ADGRV1: variants seen among roughly 807,000 people sequenced by gnomAD.
The protein encoded by ADGRV1 is adhesion G protein-coupled receptor V1.
In ADGRV1, 359 loss-of-function variants were observed where a neutral mutation model predicts 596.2. That is an observed-to-expected ratio of 0.60 (90% CI 0.55 to 0.66). ADGRV1 has a LOEUF of 0.66. Ranked by LOEUF, ADGRV1 falls within the 30% of genes least tolerant of loss-of-function variation. The pLI is 0.00. For synonymous variants in ADGRV1, 2,681 were observed against 2,679.2 expected (o/e 1.00, Z -0.02); for missense variants, 7,274 against 7,575.6 (o/e 0.96, Z 1.48).
intron 75 of ADGRV1, among the ~76,000 whole-genome samples, chr5:90,818,690 T>G (rs989895307): frequency 5.9e-4 from 89 of 149,906 alleles, no homozygotes; most frequent in East Asian, 1.6e-3. Flanking sequence ...TTTTTGTCTT[T>G]GGCTCTGTTT....
At chr5:91,070,635 G>A (rs563694337) in intron 85 of ADGRV1, among the ~76,000 whole-genome samples, 4 of 152,212 alleles carry the variant, frequency 2.6e-5, no homozygotes, top group Non-Finnish European at 4.4e-5. Flanking sequence ...TATGTAAAGC[G>A]CAAGTGGATG....
At chr5:90,955,285 A>C (rs1777374423) in intron 83 of ADGRV1, among the ~76,000 whole-genome samples, 1 of 152,202 alleles carries the variant, frequency 6.6e-6, no homozygotes, top group Admixed American at 6.5e-5. Context: ...ATTGATGAGC[A>C]AATAAACCAA....
intron 72 of ADGRV1, among the ~76,000 whole-genome samples, chr5:90,807,095 C>T (rs1448566158): frequency 6.6e-6 from 1 of 152,172 alleles, no homozygotes; most frequent in African/African-American, 2.4e-5. Context: ...TCAGAATCCG[C>T]CCTCGTCGGC....
chr5:90,998,296 A>G (rs1781576869), intron 85 of ADGRV1, among the ~76,000 whole-genome samples: 1 of 152,202 alleles, frequency 6.6e-6, no homozygotes, highest in Admixed American at 6.5e-5. Context: ...CTAGAATACC[A>G]TAGACTGGGT....
intron 78 of ADGRV1, among the ~76,000 whole-genome samples, chr5:90,843,352 A>G (rs1275001070): frequency 2.0e-5 from 3 of 152,244 alleles, no homozygotes; most frequent in Non-Finnish European, 2.9e-5. Context: ...AAAAGTTCAA[A>G]AACTGAAGCA....
chr5:90,701,080 C>A (rs192152978), intron 34 of ADGRV1, among the ~76,000 whole-genome samples: 1 of 152,204 alleles, frequency 6.6e-6, no homozygotes, highest in Admixed American at 6.5e-5. Context: ...TGAAATATGT[C>A]ACTAACTTTT....
intron 76 of ADGRV1, among the ~76,000 whole-genome samples, chr5:90,826,555 A>G (rs1764089889): frequency 6.6e-6 from 1 of 152,174 alleles, no homozygotes; most frequent in South Asian, 2.1e-4. Context: ...TAAAGAAAAT[A>G]ATGAATGAGA....
At chr5:90,891,273 G>A (rs1770796750) in intron 83 of ADGRV1, among the ~76,000 whole-genome samples, 1 of 150,422 alleles carries the variant, frequency 6.6e-6, no homozygotes, top group Non-Finnish European at 1.5e-5. Context: ...TGTGTGTGTT[G>A]GAGTTAGCAA....
rs1324143549 is a variant in ADGRV1, at chr5:90,784,108, A to G, written c.13653+51A>G. 1.3e-5 allele frequency: 16 copies of G among 1,200,328 alleles called. No homozygotes were observed. The East Asian group carries it at 3.4e-4, about 26-fold the overall frequency. 74.4% of individuals were successfully genotyped at this position (1,200,328 alleles called of 1,614,324 possible). A position where few individuals can be genotyped will look rare whatever the true frequency, so the allele number is the denominator to read the frequency against. On this transcript the variant is annotated intron_variant, in intron 67 of 89. Transcript: ENST00000405460. ...AAATATAATTTTTGATAGACTGAGT[A>G]TGGTAGTGTGTTTTCTCATTGCCCA...
chr5:90,719,104 C>T (rs756467961), intron 43 of ADGRV1, among the ~76,000 whole-genome samples: 3 of 151,938 alleles, frequency 2.0e-5, no homozygotes, highest in Non-Finnish European at 4.4e-5. Context: ...GCTAGGCGGG[C>T]GGATCACTTG....
chr5:90,949,199 A>G (rs181889200), intron 83 of ADGRV1, among the ~76,000 whole-genome samples: 1 of 152,286 alleles, frequency 6.6e-6, no homozygotes, highest in East Asian at 1.9e-4. Context: ...TGATGCAAGT[A>G]TACATGAATA....
intron 8 of ADGRV1, 99 bp downstream of exon 8, chr5:90,628,931 G>T: frequency 9.0e-7 from 1 of 1,116,584 alleles, no homozygotes; most frequent in South Asian, 1.9e-5. Context: ...TAGTTTGAAG[G>T]GACAGGAAAA....
intron 31 of ADGRV1, 25 bp downstream of exon 31, chr5:90,691,066 T>C (rs770049981): frequency 6.2e-7 from 1 of 1,613,434 alleles, no homozygotes; most frequent in Non-Finnish European, 8.5e-7. Flanking sequence ...TAGTATAGAA[T>C]GACACTGTAA....
chr5:91,001,124 C>G (rs1581754756), intron 85 of ADGRV1, among the ~76,000 whole-genome samples: 1 of 152,146 alleles, frequency 6.6e-6, no homozygotes, highest in Non-Finnish European at 1.5e-5. Flanking sequence ...GTTGCCCAGG[C>G]TGGAGTGCAG....
At chr5:90,738,639 C>T (rs554236597) in intron 50 of ADGRV1, among the ~76,000 whole-genome samples, 2 of 152,242 alleles carry the variant, frequency 1.3e-5, no homozygotes, top group South Asian at 2.1e-4. Context: ...ATTCTACTCT[C>T]TCATGGTCTG....
chr5:90,746,504 A>C (rs7704041), intron 52 of ADGRV1, among the ~76,000 whole-genome samples: 2 of 151,976 alleles, frequency 1.3e-5, no homozygotes, highest in Non-Finnish European at 2.9e-5. Context: ...GGAAAACCTA[A>C]CCCAAGTTTG....
At chr5:91,112,761 T>C (rs897283573) in intron 87 of ADGRV1, among the ~76,000 whole-genome samples, 2 of 152,156 alleles carry the variant, frequency 1.3e-5, no homozygotes, top group African/African-American at 4.8e-5. Context: ...TAGTAGAAGG[T>C]GCATGCAGTT....
intron 20 of ADGRV1, 138 bp downstream of exon 20, chr5:90,654,090 C>G: frequency 1.2e-6 from 1 of 852,280 alleles, no homozygotes; most frequent in South Asian, 1.6e-5. Flanking sequence ...TTAATCAAAA[C>G]TATGTGCCTA....
chr5:90,873,829 A>G (rs1768951383), intron 83 of ADGRV1, among the ~76,000 whole-genome samples: 1 of 151,508 alleles, frequency 6.6e-6, no homozygotes, highest in Non-Finnish European at 1.5e-5. Context: ...TTAGTTAACC[A>G]TATTTGGGAA....
Sources: allele counts gnomAD v4.1 joint callset (sites outside exome capture counted in the v4.1 genomes callset), GRCh38; gene constraint gnomAD v4.1.1; transcripts MANE v1.5; gene names NCBI Gene and HGNC (gene_info 2026-07-23, HGNC 2026-07-21).